The following NRXN3 variants were observed in gnomAD, a reference collection of about 807,000 sequenced individuals.
The protein encoded by NRXN3 is neurexin III.
NRXN3 carries 32 observed loss-of-function variants against 137.6 expected under a neutral mutation model. That is an observed-to-expected ratio of 0.23 (90% confidence interval 0.18 to 0.31). NRXN3 has a LOEUF of 0.31. NRXN3 is among the 10% of genes least tolerant of loss of function. The pLI, the probability that NRXN3 is intolerant of heterozygous loss-of-function variation, is 1.00. For missense variants in NRXN3, 1,574 were observed against 2,062.5 expected (o/e 0.76, Z 4.59); for synonymous variants, 798 against 784.5 (o/e 1.02, Z -0.29).
intron 3 of NRXN3, chr14:78,283,395 A>T (rs1403531890): frequency 6.6e-6 from 1 of 152,194 alleles, no homozygotes; most frequent in Admixed American, 6.5e-5. Flanking sequence ...CAGTCAGAAG[A>T]TGAACAATTT....
chr14:79,733,394 G>A (rs2098930884), intron 19 of NRXN3, among the ~76,000 whole-genome samples: 1 of 151,976 alleles, frequency 6.6e-6, no homozygotes, highest in Non-Finnish European at 1.5e-5. Flanking sequence ...AAACTCTTTG[G>A]GAAACCGTTT....
chr14:78,269,024 G>A (rs2072276506), intron 2 of NRXN3, among the ~76,000 whole-genome samples: 1 of 152,130 alleles, frequency 6.6e-6, no homozygotes, highest in African/African-American at 2.4e-5. Context: ...GAATGATATA[G>A]CACTCTGTTG....
In NRXN3 at chr14:78,479,394, T is replaced by A. The variant is rs549163296; in HGVS notation, c.758-165726T>A. On this transcript the variant is annotated intron_variant, in intron 4 of 20. Transcript: ENST00000335750. ...TCGGCAGAGTTTCTGATTCATTAGA[T>A]CTGGGATGGGAACCAAGAATTTGTA... Among the ~76,000 whole-genome samples the A allele has an allele frequency of 6.6e-5, 10 of 152,328 alleles. No homozygotes were observed. The East Asian group carries it at 1.7e-3, about 26-fold the overall frequency.
intron 8 of NRXN3, among the ~76,000 whole-genome samples, chr14:78,791,885 T>C (rs1272353844): frequency 6.6e-6 from 1 of 151,986 alleles, no homozygotes; most frequent in Non-Finnish European, 1.5e-5. Context: ...AAAAAGTGTA[T>C]AGAACTCAAA....
chr14:79,683,848 C>T (rs892323680), intron 17 of NRXN3, among the ~76,000 whole-genome samples: 2 of 152,126 alleles, frequency 1.3e-5, no homozygotes, highest in African/African-American at 2.4e-5. Context: ...GTCTAGCTTG[C>T]TCGAAATGAG....
chr14:79,499,993 T>G (rs2096805421), intron 16 of NRXN3, among the ~76,000 whole-genome samples: 1 of 100,692 alleles, frequency 9.9e-6, no homozygotes, highest in Admixed American at 1.0e-4. Context: ...GTGTGTGTGT[T>G]AAAGGACGAA....
At chr14:78,884,213 T>G (rs1415390154) in intron 10 of NRXN3, among the ~76,000 whole-genome samples, 1 of 152,168 alleles carries the variant, frequency 6.6e-6, no homozygotes, top group Non-Finnish European at 1.5e-5. Context: ...CACCCTTACT[T>G]TCTCTCATTT....
chr14:78,525,774 TTTCTCCTGGTTTTGCTCCTCCTCGTTTTG>T (rs2096369314), intron 4 of NRXN3, among the ~76,000 whole-genome samples: 1 of 152,208 alleles, frequency 6.6e-6, no homozygotes, highest in Non-Finnish European at 1.5e-5. Context: ...CAAGATGGCA[TTTCTCCTGGTTTTGCTCCTCCTCGTTTTG>T]TTCTCCTGGT....
chr14:79,362,843 A>G (rs926892814), intron 15 of NRXN3, among the ~76,000 whole-genome samples: 1 of 152,228 alleles, frequency 6.6e-6, no homozygotes, highest in Admixed American at 6.5e-5. Context: ...GTTGAATGGC[A>G]TATGCCGTTA....
chr14:79,257,230 C>T, intron 15 of NRXN3, among the ~76,000 whole-genome samples: 1 of 151,862 alleles, frequency 6.6e-6, no homozygotes, highest in East Asian at 2.0e-4. Context: ...TCTCTGCCAA[C>T]CTCCGTTCAT....
At chr14:79,820,683 CTCCATT>C (rs1568360651) in intron 20 of NRXN3, among the ~76,000 whole-genome samples, 2 of 151,628 alleles carry the variant, frequency 1.3e-5, no homozygotes, top group Non-Finnish European at 2.9e-5. Context: ...CTCAAGTAGA[CTCCATT>C]GTCTGTCGTT....
chr14:78,540,855 T>G (rs1371272189), intron 4 of NRXN3, among the ~76,000 whole-genome samples: 1 of 152,180 alleles, frequency 6.6e-6, no homozygotes, highest in Non-Finnish European at 1.5e-5. Context: ...TGTAAAGGAT[T>G]TTATTTCTCC....
At chr14:79,345,747 T>C (rs972779918) in intron 15 of NRXN3, among the ~76,000 whole-genome samples, 3 of 152,120 alleles carry the variant, frequency 2.0e-5, no homozygotes, top group Non-Finnish European at 4.4e-5. Flanking sequence ...GTTCCTGCTG[T>C]CACCTTATGA....
intron 15 of NRXN3, among the ~76,000 whole-genome samples, chr14:79,095,009 T>TGA (rs2050025082): frequency 1.3e-5 from 2 of 150,658 alleles, no homozygotes; most frequent in Non-Finnish European, 3.0e-5. Context: ...TGTGTGTGTG[T>TGA]GAAATGGGGA....
intron 4 of NRXN3, among the ~76,000 whole-genome samples, chr14:78,628,278 C>A (rs990503446): frequency 6.6e-6 from 1 of 151,938 alleles, no homozygotes; most frequent in Non-Finnish European, 1.5e-5. Flanking sequence ...TCTTTGTTGC[C>A]CAGGCTGGTC....
chr14:78,729,919 G>A (rs2152896535), intron 8 of NRXN3, among the ~76,000 whole-genome samples: 1 of 152,316 alleles, frequency 6.6e-6, no homozygotes, highest in Middle Eastern at 3.4e-3. Flanking sequence ...TATTTCTAAA[G>A]TTAACTATAG....
chr14:78,744,416 A>G (rs2098597549), intron 8 of NRXN3: 1 of 152,162 alleles, frequency 6.6e-6, no homozygotes, highest in Admixed American at 6.5e-5. Context: ...GGTGTGAGCC[A>G]TGTCTCCCGG....
chr14:78,626,746 A>G (rs2097462768), intron 4 of NRXN3, among the ~76,000 whole-genome samples: 1 of 152,188 alleles, frequency 6.6e-6, no homozygotes, highest in Non-Finnish European at 1.5e-5. Context: ...GGTAGGTAGG[A>G]GGCCAGGTGG....
chr14:78,833,379 G>A (rs557428761), intron 10 of NRXN3, among the ~76,000 whole-genome samples: 13 of 152,184 alleles, frequency 8.5e-5, no homozygotes, highest in Admixed American at 1.3e-4. Context: ...ATTCATTTCC[G>A]CAGTCTCCTG....
Sources: gnomAD v4.1 joint callset for allele counts (sites outside exome capture counted in the v4.1 genomes callset) on GRCh38, gnomAD v4.1.1 for gene constraint, MANE v1.5 for transcripts, NCBI Gene and HGNC (gene_info 2026-07-23, HGNC 2026-07-21) for gene names.